Variants in MAPK6 observed in about 807,000 individuals in gnomAD.
MAPK6 encodes the protein mitogen-activated protein kinase 6.
A neutral mutation model predicts 59.3 loss-of-function variants in MAPK6; 19 were observed. The observed-to-expected ratio is 0.32, with a 90% confidence interval of 0.22 to 0.47. MAPK6 has a LOEUF of 0.47. Ranked by LOEUF, MAPK6 falls within the 20% of genes least tolerant of loss-of-function variation. The probability of loss-of-function intolerance (pLI) is 1.00; values close to 1 mark genes in which losing one functional copy is unlikely to be tolerated. For missense variants in MAPK6, 724 were observed against 847.9 expected (o/e 0.85, Z 1.81); for synonymous variants, 316 against 290.3 (o/e 1.09, Z -0.90).
intron 1 of MAPK6, among the ~76,000 whole-genome samples, chr15:52,025,562 G>A (rs551122234): frequency 4.6e-5 from 7 of 152,174 alleles, no homozygotes; most frequent in Non-Finnish European, 7.4e-5. Flanking sequence ...CAGCACTTTG[G>A]GAGGCTGAGG....
chr15:51,973,400 GGC>G (rs1165009039), intron 1 of MAPK6, among the ~76,000 whole-genome samples: 1 of 151,868 alleles, frequency 6.6e-6, no homozygotes, highest in African/African-American at 2.4e-5. Flanking sequence ...GGAGCGCAGT[GGC>G]GCCATCATAG....
chr15:52,053,627 G>GTTGA (rs1175221374), intron 3 of MAPK6, among the ~76,000 whole-genome samples: 1 of 6,790 alleles, frequency 1.5e-4, no homozygotes, highest in East Asian at 2.4e-3. Flanking sequence ...TGATTGATTG[G>GTTGA]TTGATTGATT....
At chr15:52,051,233 A>T (rs1288869154) in intron 3 of MAPK6, among the ~76,000 whole-genome samples, 1 of 151,796 alleles carries the variant, frequency 6.6e-6, no homozygotes, top group African/African-American at 2.4e-5. Flanking sequence ...AATTTTTTGT[A>T]TTTTTAGTGG....
intron 2 of MAPK6, among the ~76,000 whole-genome samples, chr15:52,000,997 A>G (rs2057240342): frequency 6.6e-6 from 1 of 152,058 alleles, no homozygotes; most frequent in South Asian, 2.1e-4. Context: ...TCCATTGCCC[A>G]TTGCTATGAC....
intron 1 of MAPK6, among the ~76,000 whole-genome samples, chr15:52,023,123 AAAAAAC>A (rs1190376865): frequency 2.6e-5 from 4 of 151,284 alleles, no homozygotes; most frequent in South Asian, 2.1e-4. Context: ...AAAAAAAAAA[AAAAAAC>A]CGAAAAACAA....
intron 3 of MAPK6, among the ~76,000 whole-genome samples, chr15:52,054,729 T>TACAC (rs35669914): frequency 0.043 from 6,281 of 147,082 alleles, 172 homozygotes; most frequent in African/African-American, 0.076. Flanking sequence ...CATATATCTA[T>TACAC]ACACACACAC....
intron 3 of MAPK6, among the ~76,000 whole-genome samples, chr15:52,053,924 A>T (rs1002541797): frequency 2.0e-5 from 3 of 151,802 alleles, no homozygotes; most frequent in Non-Finnish European, 4.4e-5. Context: ...GGTGTGAGCC[A>T]CTATGCCAGG....
chr15:51,982,183 G>A (rs376252280), intron 1 of MAPK6, among the ~76,000 whole-genome samples: 1 of 152,270 alleles, frequency 6.6e-6, no homozygotes, highest in East Asian at 1.9e-4. Context: ...CAGCAAAACT[G>A]CTCTGATTAG....
chr15:52,006,771 A>G (rs4775993), intron 3 of MAPK6, among the ~76,000 whole-genome samples: 11,096 of 152,170 alleles, frequency 0.073, 866 homozygotes, highest in African/African-American at 0.19. Context: ...ATAAAGTGAA[A>G]TTATGACTTA....
chr15:52,030,276 T>C (rs980325458), intron 1 of MAPK6, among the ~76,000 whole-genome samples: 1 of 152,206 alleles, frequency 6.6e-6, no homozygotes, highest in Non-Finnish European at 1.5e-5. Flanking sequence ...TGTTGGTCTT[T>C]CCTTACTAGA....
chr15:52,007,553 A>G (rs1046432238), intron 3 of MAPK6, among the ~76,000 whole-genome samples: 1 of 152,192 alleles, frequency 6.6e-6, no homozygotes, highest in Non-Finnish European at 1.5e-5. Flanking sequence ...ATTCATTTTT[A>G]TACTGTGCAA....
At chr15:51,981,621 G>A (rs1595956767) in intron 1 of MAPK6, among the ~76,000 whole-genome samples, 1 of 152,190 alleles carries the variant, frequency 6.6e-6, no homozygotes, top group African/African-American at 2.4e-5. Context: ...TTGGGTTTAG[G>A]AACCCGCTTC....
Position 52,023,330 on chromosome 15 carries a change from A to G in MAPK6, c.-632+3954A>G, listed in dbSNP as rs908557684. 3.9e-5 allele frequency among the ~76,000 whole-genome samples: 6 copies of G among 152,018 alleles called. No homozygotes were observed. The East Asian group carries it at 1.2e-3, about 29-fold the overall frequency. The stretch of plus-strand genomic sequence containing the variant: ...TGTGGCATTGTTGGCTGCCTTCATT[A>G]GTTCCTTCAGCCTGTTTTGTGGGCT... On this transcript the variant is annotated intron_variant, in intron 1 of 5. Transcript: ENST00000261845.
intron 1 of MAPK6, among the ~76,000 whole-genome samples, chr15:52,021,797 ATAAT>A (rs2030538956): frequency 6.6e-6 from 1 of 152,220 alleles, no homozygotes; most frequent in Non-Finnish European, 1.5e-5. Context: ...TTATTAAAAC[ATAAT>A]TATATATTGT....
At chr15:52,004,024 C>G (rs2057250300) in intron 2 of MAPK6, among the ~76,000 whole-genome samples, 1 of 152,208 alleles carries the variant, frequency 6.6e-6, no homozygotes. Flanking sequence ...TTAGTAGCTC[C>G]TGTTCCCTAT....
intron 3 of MAPK6, among the ~76,000 whole-genome samples, chr15:52,052,804 A>G (rs1414249398): frequency 6.6e-6 from 1 of 152,184 alleles, no homozygotes; most frequent in Non-Finnish European, 1.5e-5. Context: ...GTTGATGGAC[A>G]TTTGGGTTTC....
chr15:52,038,654 G>T (rs1385519112), intron 1 of MAPK6, among the ~76,000 whole-genome samples: 1 of 152,102 alleles, frequency 6.6e-6, no homozygotes, highest in East Asian at 1.9e-4. Context: ...CTTGAAGAAA[G>T]AGGCTGTGCA....
chr15:51,997,277 A>ATTTTTTT (rs749427678), intron 2 of MAPK6, among the ~76,000 whole-genome samples: 10,416 of 140,312 alleles, frequency 0.074, 1,065 homozygotes, highest in African/African-American at 0.22. Context: ...GTGCCTAGCA[A>ATTTTTTT]TTTTTTTTTT....
chr15:52,061,045 C>T (rs1431769830), intron 4 of MAPK6, among the ~76,000 whole-genome samples: 1 of 152,156 alleles, frequency 6.6e-6, no homozygotes, highest in Non-Finnish European at 1.5e-5. Flanking sequence ...CACACTCAGC[C>T]AGAAAATCGT....
Sources: allele counts gnomAD v4.1 joint callset (sites outside exome capture counted in the v4.1 genomes callset), GRCh38; gene constraint gnomAD v4.1.1; transcripts MANE v1.5; gene names NCBI Gene and HGNC (gene_info 2026-07-23, HGNC 2026-07-21).